The following TTBK1 variants were observed in gnomAD, a reference collection of about 807,000 sequenced individuals.
TTBK1 encodes tau tubulin kinase 1.
In TTBK1, 34 loss-of-function variants were observed where a neutral mutation model predicts 108.5. The ratio of observed to expected loss-of-function variants is 0.31; its 90% CI spans 0.24 to 0.42. TTBK1 has a LOEUF of 0.42. Ranked by LOEUF, TTBK1 falls within the 10% of genes least tolerant of loss-of-function variation. The pLI, the probability that TTBK1 is intolerant of heterozygous loss-of-function variation, is 1.00. For synonymous variants in TTBK1, 809 were observed against 795.1 expected (o/e 1.02, Z -0.29); for missense variants, 1,539 against 1,826.0 (o/e 0.84, Z 2.86).
Position 43,259,512 on chromosome 6 carries a change from G to A in TTBK1, c.1249-19G>A. 1.3e-6 allele frequency: 2 copies of A among 1,544,750 alleles called. No individual in the cohort carries two copies. The highest frequency in any genetic ancestry group is 2.0e-5 in the Admixed American group (1 of 48,826). Reference sequence around the variant, plus strand: ...GCCGCCTCATCAGCCCCAGCTCATGGCACTCCCCTCTCCTGCAGAGCCCCT... The same window carrying A: ...GCCGCCTCATCAGCCCCAGCTCATGACACTCCCCTCTCCTGCAGAGCCCCT... On this transcript the variant is annotated intron_variant, in intron 11 of 14. Coordinates refer to ENST00000259750, the MANE Select transcript of TTBK1 (RefSeq NM_032538.3). The surrounding 1 kb of genome is among the most constrained non-coding windows in gnomAD (Gnocchi z 6.7).
intron 2 of TTBK1, among the ~76,000 whole-genome samples, chr6:43,251,715 G>A (rs962864967): frequency 6.6e-6 from 1 of 152,162 alleles, no homozygotes; most frequent in Admixed American, 6.5e-5. Flanking sequence ...GAGACGAGAG[G>A]GTCAGACCGC....
At chr6:43,251,868 C>T (rs1777249952) in intron 2 of TTBK1, among the ~76,000 whole-genome samples, 2 of 152,178 alleles carry the variant, frequency 1.3e-5, no homozygotes, top group African/African-American at 2.4e-5. Context: ...GCATGGGCCG[C>T]GAACATCCTT....
At chr6:43,261,985 G>A (rs376577708) in intron 12 of TTBK1, among the ~76,000 whole-genome samples, 1 of 152,046 alleles carries the variant, frequency 6.6e-6, no homozygotes, top group Admixed American at 6.6e-5. Flanking sequence ...GAGATAGAAC[G>A]CACTAATCCT....
At chr6:43,266,497 G>A (rs982931499) in intron 13 of TTBK1, among the ~76,000 whole-genome samples, 2 of 152,234 alleles carry the variant, frequency 1.3e-5, no homozygotes, top group African/African-American at 4.8e-5. Flanking sequence ...ACTCAGAGAA[G>A]CAAAGTTTTT....
intron 5 of TTBK1, among the ~76,000 whole-genome samples, chr6:43,254,108 C>T (rs894135391): frequency 9.9e-5 from 15 of 152,128 alleles, no homozygotes; most frequent in African/African-American, 3.6e-4. Context: ...AATATTTGTG[C>T]TAGGAAAAAA....
At chr6:43,280,335 C>G (rs1030604820) in intron 13 of TTBK1, among the ~76,000 whole-genome samples, 1 of 152,134 alleles carries the variant, frequency 6.6e-6, no homozygotes, top group Admixed American at 6.5e-5. Flanking sequence ...CCAGGCTTTT[C>G]TGGGGTTGGG....
rs868746229 is a variant in TTBK1 at position 43,259,260 on chromosome 6, C to A, written c.1239C>A (p.Asn413Lys). 1 of 1,549,924 alleles carries A rather than the reference C, an allele frequency of 6.5e-7. No homozygotes were observed. The highest frequency in any genetic ancestry group is 1.4e-5 in the African/African-American group (1 of 72,932). Residue 413 changes from asparagine (N) to lysine (K), a missense_variant, in exon 11 of 15, where the codon AAC (asparagine) becomes AAA (lysine). This residue lies in a region of TTBK1 where 277 missense variants were observed against 332.4 expected (regional missense o/e 0.83). Transcript: ENST00000259750. The surrounding 1 kb of genome is among the most constrained non-coding windows in gnomAD (Gnocchi z 6.7). ...TDVNRNKLRI[N>K]IGKSPCVEEE... ...TCAACCGGAACAAACTCCGGATCAA[C>A]ATCGGCAAAGTAACTGCCGCCAGGG... is the stretch of plus-strand genomic sequence containing the variant.
chr6:43,254,189 G>A (rs1777323765), intron 5 of TTBK1, among the ~76,000 whole-genome samples: 1 of 152,214 alleles, frequency 6.6e-6, no homozygotes, highest in Admixed American at 6.5e-5. Flanking sequence ...CACCCAGCAG[G>A]CCTGCTGCCT....
Position 43,282,830 on chromosome 6 carries a change from A to C in TTBK1, c.2090A>C (p.Glu697Ala), listed in dbSNP as rs762719560. 8 of 1,613,750 alleles carry C rather than the reference A, an allele frequency of 5.0e-6. No individual in the cohort carries two copies. The East Asian group carries it at 1.8e-4, about 36-fold the overall frequency. The change falls in exon 14 of 15, where the codon GAA becomes GCA. Residue 697 changes from glutamate to alanine, a missense_variant. Physicochemically the swap from Glu to Ala is moderately radical, Grantham distance 107. This residue lies in a region of TTBK1 where 1,055 missense variants were observed against 1,086.5 expected (regional missense o/e 0.97). Coordinates refer to ENST00000259750, the MANE Select transcript of TTBK1 (RefSeq NM_032538.3). The surrounding 1 kb of genome is among the most constrained non-coding windows in gnomAD (Gnocchi z 5.4). ...AAAAGAGACCTCTCCGATTACCGAG[A>C]ACGGGCGCGGTTGCTCAACAGGGTC... is the stretch of plus-strand genomic sequence containing the variant. Reference protein sequence around the residue: ...DFKRDLSDYRERARLLNRVRR... With the variant: ...DFKRDLSDYRARARLLNRVRR...
In TTBK1 at chr6:43,273,406, AC is replaced by A. The variant is rs1176157522; in HGVS notation, c.1987-9318del. Among the ~76,000 whole-genome samples, 1 of 152,100 alleles carries A rather than the reference AC, an allele frequency of 6.6e-6. No individual in the cohort carries two copies. Among genetic ancestry groups the A allele is most frequent in the African/African-American group, 2.4e-5 (1 of 41,392 alleles). ...TACTGGGGTTGGTTAAAATGGCTGG[AC>A]CCTGTCTCTCCAGAGACCTCCAACC... is the stretch of plus-strand genomic sequence containing the variant. On this transcript the variant is annotated intron_variant, in intron 13 of 14. Transcript: ENST00000259750. This position sits in a 1 kb window ranked among gnomAD's most constrained non-coding sequence, Gnocchi z 4.2.
In TTBK1 at chr6:43,254,908, G is replaced by C. The variant is rs1012442586; in HGVS notation, c.577-141G>C. 6.8e-6 allele frequency: 6 copies of C among 888,706 alleles called. No homozygotes were observed. The Admixed American group carries it at 1.2e-4, about 18-fold the overall frequency. The allele number at this position is 888,706 out of a possible 1,614,324, so 55.1% of individuals were successfully genotyped here. On this transcript the variant is annotated intron_variant, in intron 6 of 14. Coordinates refer to ENST00000259750, the MANE Select transcript of TTBK1 (RefSeq NM_032538.3). ...GGAGCAGGGTCAGCAGGCGGGTTTA[G>C]GACTGGAAGGTCAGAGAGCAGGCCC...
chr6:43,261,204 C>A (rs975822395), intron 12 of TTBK1, among the ~76,000 whole-genome samples: 1 of 152,116 alleles, frequency 6.6e-6, no homozygotes, highest in African/African-American at 2.4e-5. Context: ...TTTAAGGAAG[C>A]CCCACAGGCA....
At chr6:43,270,461 C>T in intron 13 of TTBK1, 11 of 907,672 alleles carry the variant, frequency 1.2e-5, no homozygotes, top group Non-Finnish European at 1.4e-5. Context: ...GTGTGTGTCC[C>T]TGTGTATGGA....
intron 1 of TTBK1, among the ~76,000 whole-genome samples, chr6:43,244,067 C>T (rs1273096677): frequency 6.6e-6 from 1 of 152,140 alleles, no homozygotes; most frequent in Admixed American, 6.5e-5. Flanking sequence ...ATGCCTCCCA[C>T]CTGCCTTCTT....
intron 1 of TTBK1, among the ~76,000 whole-genome samples, chr6:43,245,234 G>T (rs1019765011): frequency 3.4e-4 from 51 of 152,132 alleles, no homozygotes; most frequent in African/African-American, 1.2e-3. Flanking sequence ...CATCTCTTTA[G>T]CCACCTTCCT....
In TTBK1 at chr6:43,285,338, C is replaced by G. The variant is rs1286131262; in HGVS notation, c.3928C>G (p.Arg1310Gly). The part of the protein sequence containing the change: ...LQAQRATTKG[R>G]AGGAEGRAGA... ...GGCTCAGCGCGCAACAACCAAAGGC[C>G]GGGCAGGAGGCGCGGAGGGCCGGGC... is the stretch of plus-strand genomic sequence containing the variant. Residue 1310 changes from arginine (R) to glycine (G), a missense_variant, in exon 15 of 15, where the codon CGG becomes GGG. Physicochemically the swap from Arg to Gly is moderately radical, Grantham distance 125. This residue lies in a region of TTBK1 where 1,055 missense variants were observed against 1,086.5 expected (regional missense o/e 0.97). Transcript: ENST00000259750. The surrounding 1 kb of genome is among the most constrained non-coding windows in gnomAD (Gnocchi z 4.7). 1.6e-6 allele frequency: 2 copies of G among 1,286,722 alleles called. No homozygotes were observed. The highest frequency in any genetic ancestry group is 2.0e-6 in the Non-Finnish European group (2 of 1,022,026). 79.7% of individuals were successfully genotyped at this position (1,286,722 alleles called of 1,614,324 possible).
Position 43,285,271 on chromosome 6 carries a change from C to T in TTBK1, c.3861C>T (p.Pro1287=). 3.9e-6 allele frequency: 5 copies of T among 1,293,464 alleles called. No individual in the cohort carries two copies. The highest frequency in any genetic ancestry group is 4.9e-6 in the Non-Finnish European group (5 of 1,024,508). 80.1% of individuals were successfully genotyped at this position (1,293,464 alleles called of 1,614,324 possible). Residue 1287 remains proline (P), a synonymous_variant, in exon 15 of 15, where the codon CCC becomes CCT. Coordinates refer to ENST00000259750, the MANE Select transcript of TTBK1 (RefSeq NM_032538.3). This position sits in a 1 kb window ranked among gnomAD's most constrained non-coding sequence, Gnocchi z 4.7. The part of the protein sequence containing the change: ...PPARAQPDGT[P]SPGGSKKGPR... The stretch of plus-strand genomic sequence containing the variant: ...CCCGGGCCCAGCCTGATGGCACCCC[C>T]TCCCCCGGGGGCTCCAAGAAAGGAC...
At chr6:43,266,155 G>A (rs984511787) in intron 13 of TTBK1, among the ~76,000 whole-genome samples, 1 of 152,198 alleles carries the variant, frequency 6.6e-6, no homozygotes, top group African/African-American at 2.4e-5. Flanking sequence ...TAGAATCGAG[G>A]TTGGTTAGCA....
Position 43,269,556 on chromosome 6 carries a change from G to C in TTBK1, c.1986+6206G>C. 1.4e-6 allele frequency: 2 copies of C among 1,405,254 alleles called. No individual in the cohort carries two copies. The highest frequency in any genetic ancestry group is 1.9e-6 in the Non-Finnish European group (2 of 1,066,966). The allele number at this position is 1,405,254 out of a possible 1,614,324, so 87.0% of individuals were successfully genotyped here. On this transcript the variant is annotated intron_variant, in intron 13 of 14. Transcript: ENST00000259750. The surrounding 1 kb of genome is among the most constrained non-coding windows in gnomAD (Gnocchi z 4.8). ...TGCCCGGGACGCCGGCGCCGCAGGG[G>C]CTGTGAGCGGTGGGTGGCCCCGGAG...
Sources: gnomAD v4.1 joint callset for allele counts (sites outside exome capture counted in the v4.1 genomes callset) on GRCh38, gnomAD v4.1.1 for gene constraint, gnomAD v4.1.1 regional missense constraint, Gnocchi (gnomAD v3.1) non-coding constraint, MANE v1.5 for transcripts, NCBI Gene and HGNC (gene_info 2026-07-23, HGNC 2026-07-21) for gene names.